B3GALT2: variants seen among roughly 807,000 people sequenced by gnomAD.
The protein encoded by B3GALT2 is UDP-Gal:betaGlcNAc beta 1,3-galactosyltransferase, polypeptide 2.
A neutral mutation model predicts 33.5 loss-of-function variants in B3GALT2; 13 were observed. The observed-to-expected ratio is 0.39, with a 90% confidence interval of 0.25 to 0.62. The LOEUF (loss-of-function observed/expected upper bound fraction) is 0.62. Ranked by LOEUF, B3GALT2 falls within the 20% of genes least tolerant of loss-of-function variation. B3GALT2 has a pLI of 0.53. For synonymous variants in B3GALT2, 195 were observed against 172.7 expected (o/e 1.13, Z -1.01); for missense variants, 418 against 509.1 (o/e 0.82, Z 1.72).
intron 1 of B3GALT2, among the ~76,000 whole-genome samples, chr1:193,184,073 C>T (rs1276347841): frequency 6.6e-6 from 1 of 151,714 alleles, no homozygotes; most frequent in Non-Finnish European, 1.5e-5. Context: ...AGCATAAATA[C>T]ATAGTTTTGG....
In B3GALT2 at chr1:193,180,829, A is replaced by G. The variant is rs368427880; in HGVS notation, c.734T>C (p.Ile245Thr). The stretch of plus-strand genomic sequence containing the variant: ...ACTGTCAGTTTTCATAACATATGGA[A>G]TATGTGGACAGTATGTTGCAACCCA... ...MNWVATYCPHIPYVMKTDSDM... is the reference protein window; with the variant it reads ...MNWVATYCPHTPYVMKTDSDM... Residue 245 changes from isoleucine (I) to threonine (T), a missense_variant, in exon 2 of 2, where the codon ATT (isoleucine) becomes ACT (threonine). Ile to Thr is a moderately conservative substitution (Grantham distance 89). This residue lies in a region of B3GALT2 where 226 missense variants were observed against 293.9 expected (regional missense o/e 0.77). Transcript: ENST00000367434. 1.9e-6 allele frequency: 3 copies of G among 1,613,956 alleles called. No homozygotes were observed. Among genetic ancestry groups the G allele is most frequent in the Non-Finnish European group, 2.5e-6 (3 of 1,179,970 alleles).
chr1:193,180,212 G>T lies in B3GALT2; in HGVS notation c.*82C>A. 1 of 1,239,212 alleles carries T rather than the reference G, an allele frequency of 8.1e-7. No individual in the cohort carries two copies. Among genetic ancestry groups the T allele is most frequent in the Non-Finnish European group, 1.1e-6 (1 of 921,308 alleles). 76.8% of individuals were successfully genotyped at this position (1,239,212 alleles called of 1,614,324 possible). A position where few individuals can be genotyped will look rare whatever the true frequency, so the allele number is the denominator to read the frequency against. On this transcript the variant is annotated 3_prime_UTR_variant, in exon 2 of 2. Transcript: ENST00000367434. Reference sequence around the variant, plus strand: ...ATGTGATGAGTTTTAACTAAAACTTGTCCTACGGATGTAATCAGTTCTAAC... The same window carrying T: ...ATGTGATGAGTTTTAACTAAAACTTTTCCTACGGATGTAATCAGTTCTAAC...
chr1:193,184,635 A>G (rs1676774603), intron 1 of B3GALT2, among the ~76,000 whole-genome samples: 1 of 151,892 alleles, frequency 6.6e-6, no homozygotes, highest in Non-Finnish European at 1.5e-5. Context: ...TAATAGAAAA[A>G]CTTACACTTT....
chr1:193,180,782 A>G lies in B3GALT2; in HGVS notation c.781T>C (p.Tyr261His), dbSNP rs1367350064. The change falls in exon 2 of 2, where the codon TAT (tyrosine) becomes CAT (histidine). Residue 261 changes from tyrosine to histidine, a missense_variant. Tyr to His is a moderately conservative substitution (Grantham distance 83). Transcript: ENST00000367434. ...TDSDMFVNTE[Y>H]LINKLLKPDL... ...GGCTTCAGTAACTTATTGATTAAAT[A>G]TTCAGTGTTGACAAACATGTCACTG... 1.2e-6 allele frequency: 2 copies of G among 1,614,114 alleles called. No individual in the cohort carries two copies. The highest frequency in any genetic ancestry group is 3.3e-5 in the Admixed American group (2 of 60,016).
chr1:193,181,603 C>G lies in B3GALT2; in HGVS notation c.-41G>C, dbSNP rs762865701. The G allele has an allele frequency of 6.6e-7, 1 of 1,503,850 alleles. No individual in the cohort carries two copies. The highest frequency in any genetic ancestry group is 8.9e-7 in the Non-Finnish European group (1 of 1,121,226). 93.2% of individuals were successfully genotyped at this position (1,503,850 alleles called of 1,614,324 possible). Reference sequence around the variant, plus strand: ...TAGTGGTATATGAGAGATTGGTGACCAAAAATGTTTTCTTCTCCTTAATAC... The same window carrying G: ...TAGTGGTATATGAGAGATTGGTGACGAAAAATGTTTTCTTCTCCTTAATAC... On this transcript the variant is annotated 5_prime_UTR_variant, in exon 2 of 2. Coordinates refer to ENST00000367434, the MANE Select transcript of B3GALT2 (RefSeq NM_003783.3).
chr1:193,185,423 A>G (rs567749650), intron 1 of B3GALT2, among the ~76,000 whole-genome samples: 79 of 152,124 alleles, frequency 5.2e-4, no homozygotes, highest in Non-Finnish European at 9.6e-4. Context: ...TCCTTTTAGT[A>G]TCTTCTTGTA....
chr1:193,181,385 C>T lies in B3GALT2; in HGVS notation c.178G>A (p.Val60Met). Residue 60 changes from valine to methionine, a missense_variant, in exon 2 of 2, where the codon GTG (valine) becomes ATG (methionine). Transcript: ENST00000367434. ...CGAAATCCTCGGAAAGTGTATGTCA[C>T]AGGGTTTTCTTTGAATCCAGCTCTG... Reference protein sequence around the residue: ...PGRAGFKENPVTYTFRGFRST... With the variant: ...PGRAGFKENPMTYTFRGFRST... The T allele has an allele frequency of 6.2e-7, 1 of 1,614,032 alleles. No homozygotes were observed.
chr1:193,180,111 C>G lies in B3GALT2; in HGVS notation c.*183G>C, dbSNP rs533423402. ...TTTTAAATAGATTGTTTTGGGAAAC[C>G]TTTTTTGTTATATAATGTTATAGTT... On this transcript the variant is annotated 3_prime_UTR_variant, in exon 2 of 2. Coordinates refer to ENST00000367434, the MANE Select transcript of B3GALT2 (RefSeq NM_003783.3). 3.9e-6 allele frequency: 2 copies of G among 514,780 alleles called. No individual in the cohort carries two copies. Among genetic ancestry groups the G allele is most frequent in the East Asian group, 3.5e-5 (1 of 28,900 alleles). The allele number at this position is 514,780 out of a possible 1,614,324, so 31.9% of individuals were successfully genotyped here.
chr1:193,180,974 G>A lies in B3GALT2; in HGVS notation c.589C>T (p.Leu197=). Residue 197 remains leucine (L), a synonymous_variant, in exon 2 of 2, where the codon CTA becomes TTA. Transcript: ENST00000367434. ...RIFLLGLSIK[L]NGYLQRAILE... is the part of the protein sequence containing the mutation. ...ATTGCACGTTGAAGGTAGCCATTTA[G>A]CTTAATACTTAAGCCCAACAAAAAT... is the stretch of plus-strand genomic sequence containing the variant. 3.1e-6 allele frequency: 5 copies of A among 1,613,380 alleles called. No individual in the cohort carries two copies. Among genetic ancestry groups the A allele is most frequent in the African/African-American group, 1.3e-5 (1 of 75,002 alleles).
chr1:193,181,484 G>C lies in B3GALT2; in HGVS notation c.79C>G (p.Leu27Val). 3 of 1,613,940 alleles carry C rather than the reference G, an allele frequency of 1.9e-6. No homozygotes were observed. The highest frequency in any genetic ancestry group is 2.5e-6 in the Non-Finnish European group (3 of 1,179,888). ...NAKRSLFRTHLIGVLSLVFLF... is the reference protein window; with the variant it reads ...NAKRSLFRTHVIGVLSLVFLF... Reference sequence around the variant, plus strand: ...AACACTAGAGAAAGTACTCCAATAAGATGAGTGCGGAACAGAGACCTTTTG... The same window carrying C: ...AACACTAGAGAAAGTACTCCAATAACATGAGTGCGGAACAGAGACCTTTTG... Residue 27 changes from leucine (L) to valine (V), a missense_variant, in exon 2 of 2, where the codon CTT becomes GTT. Coordinates refer to ENST00000367434, the MANE Select transcript of B3GALT2 (RefSeq NM_003783.3).
chr1:193,186,327 G>T lies in B3GALT2; in HGVS notation c.-429C>A, dbSNP rs1027944036. 5 of 152,408 alleles carry T rather than the reference G, an allele frequency of 3.3e-5. No individual in the cohort carries two copies. The highest frequency in any genetic ancestry group is 5.9e-5 in the Non-Finnish European group (4 of 68,038). The allele number at this position is 152,408 out of a possible 1,614,324, so 9.4% of individuals were successfully genotyped here. ...CTGTTGACTCTTCCCGACAGTTGAT[G>T]CATTGAAGCTTTTTACATCTGCTAT... On this transcript the variant is annotated 5_prime_UTR_variant, in exon 1 of 2. Transcript: ENST00000367434.
In B3GALT2 at chr1:193,179,653, AT is replaced by A. The variant is rs1229651814; in HGVS notation, c.*640del. 7 of 152,712 alleles carry A rather than the reference AT, an allele frequency of 4.6e-5. No individual in the cohort carries two copies. Among genetic ancestry groups the A allele is most frequent in the African/African-American group, 9.6e-5 (4 of 41,574 alleles). 9.5% of individuals were successfully genotyped at this position (152,712 alleles called of 1,614,324 possible). ...CATTTTACCACGTCATGTCAAAATA[AT>A]TTTCCCCCATATATTAATAAAAGAA... On this transcript the variant is annotated 3_prime_UTR_variant, in exon 2 of 2. Transcript: ENST00000367434.
Position 193,179,790 on chromosome 1 carries a change from TAACTC to T in B3GALT2, c.*499_*503del, listed in dbSNP as rs1676679611. 6.6e-6 allele frequency: 1 copy of T among 152,618 alleles called. No individual in the cohort carries two copies. Among genetic ancestry groups the T allele is most frequent in the Admixed American group, 6.6e-5 (1 of 15,266 alleles). The allele number at this position is 152,618 out of a possible 1,614,324, so 9.5% of individuals were successfully genotyped here. ...TGAACTTTATAATGTGTTTGTGGAA[TAACTC>T]AACTAAATCTTATTGCATTTAGAAC... On this transcript the variant is annotated 3_prime_UTR_variant, in exon 2 of 2. Transcript: ENST00000367434.
At chr1:193,181,814 C>T (rs962783222) in intron 1 of B3GALT2, 132 bp from the exon 2 acceptor site, 4 of 395,884 alleles carry the variant, frequency 1.0e-5, no homozygotes, top group Non-Finnish European at 1.8e-5. Context: ...ATTTATTTCC[C>T]CTTGGCAACA....
Position 193,180,370 on chromosome 1 carries a change from T to A in B3GALT2, c.1193A>T (p.Gln398Leu). The stretch of plus-strand genomic sequence containing the variant: ...GGCACAGGCATTGTGCTTATTTTGT[T>A]GTAAATGGTTCCAGTATTTTATCAG... ...SELIKYWNHL[Q>L]QNKHNACANA... Residue 398 changes from glutamine to leucine, a missense_variant, in exon 2 of 2, where the codon CAA (glutamine) becomes CTA (leucine). By Grantham distance (113) the Gln-to-Leu change is moderately radical. Coordinates refer to ENST00000367434, the MANE Select transcript of B3GALT2 (RefSeq NM_003783.3). The A allele has an allele frequency of 6.2e-7, 1 of 1,613,356 alleles. No homozygotes were observed. Among genetic ancestry groups the A allele is most frequent in the Non-Finnish European group, 8.5e-7 (1 of 1,179,454 alleles).
chr1:193,183,819 A>G (rs895715655), intron 1 of B3GALT2, among the ~76,000 whole-genome samples: 4 of 151,912 alleles, frequency 2.6e-5, no homozygotes, highest in Admixed American at 2.6e-4. Context: ...CTGATATGAT[A>G]ATACTTGGAA....
chr1:193,183,022 TGAGA>T (rs752687787), intron 1 of B3GALT2, among the ~76,000 whole-genome samples: 20 of 152,022 alleles, frequency 1.3e-4, no homozygotes, highest in Non-Finnish European at 2.7e-4. Context: ...CCTGTGATAA[TGAGA>T]GAGTCATGGT....
chr1:193,183,796 T>A (rs746741493), intron 1 of B3GALT2, among the ~76,000 whole-genome samples: 1 of 151,916 alleles, frequency 6.6e-6, no homozygotes. Flanking sequence ...AAAGATAAGT[T>A]ATCTGTTTTC....
chr1:193,184,320 CT>C (rs1676769158), intron 1 of B3GALT2, among the ~76,000 whole-genome samples: 1 of 151,788 alleles, frequency 6.6e-6, no homozygotes, highest in Non-Finnish European at 1.5e-5. Flanking sequence ...ACCATGCCTG[CT>C]TTTTATTAAA....
Sources: gnomAD v4.1 joint callset for allele counts (sites outside exome capture counted in the v4.1 genomes callset) on GRCh38, gnomAD v4.1.1 for gene constraint, gnomAD v4.1.1 regional missense constraint, MANE v1.5 for transcripts, NCBI Gene and HGNC (gene_info 2026-07-23, HGNC 2026-07-21) for gene names.